Variants in KLF8 observed in about 807,000 individuals in gnomAD.
The protein encoded by KLF8 is KLF transcription factor 8.
In KLF8, 10 loss-of-function variants were observed where a neutral mutation model predicts 18.2. The observed-to-expected ratio is 0.55, with a 90% CI of 0.34 to 0.93. The LOEUF (loss-of-function observed/expected upper bound fraction) is 0.93. Ranked by LOEUF, KLF8 falls within the 40% of genes least tolerant of loss-of-function variation. KLF8 has a pLI of 0.02. For synonymous variants in KLF8, 109 were observed against 97.3 expected, an observed-to-expected ratio of 1.12 and a Z score of -0.71; for missense variants, 264 against 277.9, an observed-to-expected ratio of 0.95 and a Z score of 0.36.
At position 56,275,985 on chromosome X, in the gene KLF8, C is replaced by T. The variant is rs1410520087; in HGVS notation, c.898+5664C>T. ...GTCTGGTTTTGGTATCAGGGTAATA[C>T]TGGCCTCATAGAATGAGTTTGGAGT... On this transcript the variant is annotated intron_variant, in intron 5 of 5. Coordinates refer to ENST00000468660, the MANE Select transcript of KLF8 (RefSeq NM_007250.5). 5.4e-5 allele frequency among the ~76,000 whole-genome samples: 6 copies of T among 111,990 alleles called. No homozygotes were observed. In the Admixed American group the frequency reaches 5.7e-4, roughly 11 times the overall value.
At chrX:55,946,557 A>G in the KLF8 span, among the ~76,000 whole-genome samples, 1 of 111,794 alleles carries the variant, frequency 8.9e-6, no homozygotes, top group Non-Finnish European at 1.9e-5. Context: ...AGGCATTACC[A>G]TTCAGGACAT....
At chrX:56,007,738 C>G in the KLF8 span, among the ~76,000 whole-genome samples, 9 of 111,244 alleles carry the variant, frequency 8.1e-5, no homozygotes, top group Non-Finnish European at 1.1e-4. Context: ...TTTTCAAATA[C>G]ATAAAGTACA....
At chrX:56,268,565 A>G (rs188130021) in intron 3 of KLF8, 3 of 202,673 alleles carry the variant, frequency 1.5e-5, no homozygotes, top group Admixed American at 1.9e-4. Flanking sequence ...ATTGTAGGAT[A>G]CCGATACATG....
At chrX:56,135,411 T>A in the KLF8 span, among the ~76,000 whole-genome samples, 1 of 110,455 alleles carries the variant, frequency 9.1e-6, no homozygotes, top group South Asian at 3.9e-4. Flanking sequence ...GGGACATGGA[T>A]GAAATTGGAA....
the KLF8 span, among the ~76,000 whole-genome samples, chrX:55,949,252 C>T: frequency 9.0e-6 from 1 of 110,756 alleles, no homozygotes; most frequent in South Asian, 3.9e-4. Context: ...GTTACAAATG[C>T]AGACTTCTCT....
At chrX:56,137,687 G>T in the KLF8 span, among the ~76,000 whole-genome samples, 1 of 106,708 alleles carries the variant, frequency 9.4e-6, no homozygotes, top group Admixed American at 1.0e-4. Context: ...CACCTGCATG[G>T]CACATGTATA....
At chrX:55,976,727 T>A in the KLF8 span, among the ~76,000 whole-genome samples, 2 of 111,822 alleles carry the variant, frequency 1.8e-5, no homozygotes, top group African/African-American at 6.5e-5. Context: ...GATTGAGTTG[T>A]ACTGACATTT....
At chrX:56,104,019 A>G in the KLF8 span, among the ~76,000 whole-genome samples, 4 of 111,556 alleles carry the variant, frequency 3.6e-5, no homozygotes, top group Non-Finnish European at 7.5e-5. Flanking sequence ...TATGTTTATT[A>G]ATTTGCATAT....
the KLF8 span, among the ~76,000 whole-genome samples, chrX:56,148,633 CA>C: frequency 3.6e-5 from 4 of 111,972 alleles, no homozygotes; most frequent in Non-Finnish European, 7.5e-5. Flanking sequence ...TTAATGGACT[CA>C]CAGTTCCACA....
the KLF8 span, among the ~76,000 whole-genome samples, chrX:55,988,711 T>G: frequency 9.0e-6 from 1 of 111,662 alleles, no homozygotes; most frequent in East Asian, 2.8e-4. Flanking sequence ...ATATGAACTT[T>G]AAAGTAGTTT....
the KLF8 span, among the ~76,000 whole-genome samples, chrX:55,948,135 T>G: frequency 8.9e-6 from 1 of 112,349 alleles, no homozygotes; most frequent in African/African-American, 3.2e-5. Context: ...TCATTTTCTT[T>G]TTAAGGAATA....
At chrX:55,937,151 G>A in the KLF8 span, among the ~76,000 whole-genome samples, 1 of 110,535 alleles carries the variant, frequency 9.0e-6, no homozygotes, top group Non-Finnish European at 1.9e-5. Flanking sequence ...CACCTCACAC[G>A]GCCGGGTACT....
At chrX:56,042,898 G>A in the KLF8 span, among the ~76,000 whole-genome samples, 1 of 111,710 alleles carries the variant, frequency 9.0e-6, no homozygotes, top group South Asian at 3.7e-4. Flanking sequence ...ACTTCTTTAT[G>A]TGGTTGCCTC....
the KLF8 span, among the ~76,000 whole-genome samples, chrX:56,003,252 C>CA: frequency 2.7e-5 from 3 of 109,189 alleles, no homozygotes; most frequent in African/African-American, 1.0e-4. Context: ...AAAACAAAAA[C>CA]AAAAACAAAA....
At chrX:55,958,546 T>C in the KLF8 span, among the ~76,000 whole-genome samples, 1 of 112,112 alleles carries the variant, frequency 8.9e-6, no homozygotes, top group Middle Eastern at 4.6e-3. Flanking sequence ...TAAATGGGCC[T>C]TTTCAATTTT....
Position 56,286,990 on chromosome X carries a change from C to A in KLF8, c.*2496C>A, listed in dbSNP as rs1445176293. On this transcript the variant is annotated 3_prime_UTR_variant, in exon 6 of 6. Transcript: ENST00000468660. Reference sequence around the variant, plus strand: ...TACTCATTTTTTTCAAAATTTGGATCCTGATACTCCTTTTTCAGAGTTCAG... The same window carrying A: ...TACTCATTTTTTTCAAAATTTGGATACTGATACTCCTTTTTCAGAGTTCAG... 9.0e-6 allele frequency: 1 copy of A among 111,424 alleles called. No homozygotes were observed. The highest frequency in any genetic ancestry group is 3.3e-5 in the African/African-American group (1 of 30,645). 9.2% of individuals were successfully genotyped at this position (111,424 alleles called of 1,213,427 possible). A position where few individuals can be genotyped will look rare whatever the true frequency, so the allele number is the denominator to read the frequency against.
At chrX:55,985,292 A>T in the KLF8 span, among the ~76,000 whole-genome samples, 1 of 111,699 alleles carries the variant, frequency 9.0e-6, no homozygotes, top group African/African-American at 3.3e-5. Context: ...ATCTTGAATC[A>T]ATTTTTGTGT....
chrX:56,082,535 C>T, the KLF8 span, among the ~76,000 whole-genome samples: 33 of 108,363 alleles, frequency 3.0e-4, no homozygotes, highest in South Asian at 0.013. Context: ...ATGCCTTAAC[C>T]TATAAAGTTC....
the KLF8 span, among the ~76,000 whole-genome samples, chrX:56,225,047 C>T: frequency 9.0e-6 from 1 of 111,267 alleles, no homozygotes; most frequent in African/African-American, 3.3e-5. Flanking sequence ...ATAACCTAAT[C>T]ACCTTCCAAA....
Sources: gnomAD v4.1 joint callset for allele counts (sites outside exome capture counted in the v4.1 genomes callset) on GRCh38, gnomAD v4.1.1 for gene constraint, MANE v1.5 for transcripts, NCBI Gene and HGNC (gene_info 2026-07-23, HGNC 2026-07-21) for gene names.